Variants in DTD1 observed in about 807,000 individuals in gnomAD.
The protein encoded by DTD1 is D-tyrosyl-tRNA deacylase 1 homolog.
A neutral mutation model predicts 25.6 loss-of-function variants in DTD1; 13 were observed. That is an observed-to-expected ratio of 0.51 (90% CI 0.33 to 0.81). DTD1 has a LOEUF of 0.81. Among genes scored for constraint, DTD1 ranks in the 30% least tolerant of loss-of-function variants. The pLI is 0.02. For missense variants in DTD1, 193 were observed against 266.4 expected (o/e 0.72, Z 1.92); for synonymous variants, 110 against 103.6 (o/e 1.06, Z -0.37).
intron 4 of DTD1, among the ~76,000 whole-genome samples, chr20:18,669,465 C>T (rs1031104797): frequency 2.6e-5 from 4 of 152,208 alleles, no homozygotes; most frequent in African/African-American, 9.6e-5. Flanking sequence ...TTTCTCCTGT[C>T]ATGTGCAGGA....
chr20:18,661,435 G>C (rs1316881234), intron 4 of DTD1, among the ~76,000 whole-genome samples: 1 of 145,286 alleles, frequency 6.9e-6, no homozygotes, highest in African/African-American at 2.6e-5. Flanking sequence ...GCAGTGGTGC[G>C]ATCTCAGCTC....
chr20:18,716,781 A>G (rs1183286895), intron 4 of DTD1, among the ~76,000 whole-genome samples: 1 of 152,228 alleles, frequency 6.6e-6, no homozygotes, highest in East Asian at 1.9e-4. Flanking sequence ...ACTGTTGATC[A>G]GAGAAGCCTT....
intron 4 of DTD1, among the ~76,000 whole-genome samples, chr20:18,740,874 G>A (rs1456045786): frequency 1.3e-5 from 2 of 152,178 alleles, no homozygotes; most frequent in Non-Finnish European, 2.9e-5. Flanking sequence ...CGAAAGGAAA[G>A]AAGCCTGTTA....
At chr20:18,659,307 C>T (rs2060900637) in intron 4 of DTD1, among the ~76,000 whole-genome samples, 1 of 152,172 alleles carries the variant, frequency 6.6e-6, no homozygotes, top group Non-Finnish European at 1.5e-5. Flanking sequence ...TGTTGCTCCC[C>T]ACCATGAGTG....
intron 4 of DTD1, among the ~76,000 whole-genome samples, chr20:18,645,430 A>G (rs969160464): frequency 3.3e-5 from 5 of 152,166 alleles, no homozygotes; most frequent in Admixed American, 2.0e-4. Context: ...GTGTCTTCCT[A>G]CCAGTTCTGG....
intron 3 of DTD1, among the ~76,000 whole-genome samples, chr20:18,621,745 C>T (rs2060734963): frequency 6.6e-6 from 1 of 152,084 alleles, no homozygotes; most frequent in Admixed American, 6.6e-5. Flanking sequence ...TCCAGAACAT[C>T]TTGGCTAATA....
Position 18,744,114 on chromosome 20 carries a change from A to G in DTD1, c.492A>G (p.Glu164=). The G allele has an allele frequency of 6.2e-7, 1 of 1,609,484 alleles. No individual in the cohort carries two copies. Among genetic ancestry groups the G allele is most frequent in the Non-Finnish European group, 8.5e-7 (1 of 1,178,868 alleles). ...TSDPKQLSKL[E]KQQQRKEKTR... The stretch of plus-strand genomic sequence containing the variant: ...TATTTAATCAGCTGTCAAAGCTCGA[A>G]AAACAGCAGCAGAGGAAAGAAAAGA... The change falls in exon 5 of 6, where the codon GAA becomes GAG. Residue 164 remains glutamate (E), a synonymous_variant. Transcript: ENST00000377452.
intron 4 of DTD1, among the ~76,000 whole-genome samples, chr20:18,722,087 A>G (rs910924751): frequency 6.6e-6 from 1 of 152,026 alleles, no homozygotes; most frequent in South Asian, 2.1e-4. Flanking sequence ...GGGTGGCTGG[A>G]CTCCTCAGGC....
At chr20:18,623,161 G>C (rs1362674201) in intron 3 of DTD1, among the ~76,000 whole-genome samples, 1 of 151,726 alleles carries the variant, frequency 6.6e-6, no homozygotes, top group Non-Finnish European at 1.5e-5. Flanking sequence ...GGATGGTCTC[G>C]ATCTCCCGAC....
Position 18,723,022 on chromosome 20 carries a change from T to C in DTD1, c.478-21078T>C, listed in dbSNP as rs117040495. 7.8e-3 allele frequency among the ~76,000 whole-genome samples: 1,187 copies of C among 152,332 alleles called. 8 individuals carry two copies. The highest frequency in any genetic ancestry group is 0.012 in the Non-Finnish European group (849 of 68,036). ...AGATTCCATTATTCAGTTAATGATA[T>C]GAAGTTTTGTGTGTGTCTGGCTTGT... On this transcript the variant is annotated intron_variant, in intron 4 of 5. Coordinates refer to ENST00000377452, the MANE Select transcript of DTD1 (RefSeq NM_080820.6).
At chr20:18,645,161 A>G (rs2060845845) in intron 4 of DTD1, among the ~76,000 whole-genome samples, 1 of 152,172 alleles carries the variant, frequency 6.6e-6, no homozygotes, top group Non-Finnish European at 1.5e-5. Context: ...AAATCAACCG[A>G]TCAATGAATC....
chr20:18,729,752 G>A (rs1483009974), intron 4 of DTD1, among the ~76,000 whole-genome samples: 1 of 152,176 alleles, frequency 6.6e-6, no homozygotes, highest in Admixed American at 6.5e-5. Context: ...CCTAGGTACT[G>A]CCTCCCAGCC....
chr20:18,712,584 C>G (rs2061163717), intron 4 of DTD1, among the ~76,000 whole-genome samples: 1 of 152,066 alleles, frequency 6.6e-6, no homozygotes, highest in South Asian at 2.1e-4. Flanking sequence ...AAAACGAAAT[C>G]TTAACAATGG....
intron 4 of DTD1, among the ~76,000 whole-genome samples, chr20:18,636,029 GTC>G (rs1195116194): frequency 2.0e-5 from 3 of 152,088 alleles, no homozygotes; most frequent in Admixed American, 6.6e-5. Context: ...CTTTAAACCA[GTC>G]TCTCAGGACA....
intron 4 of DTD1, among the ~76,000 whole-genome samples, chr20:18,654,844 G>A (rs2060886143): frequency 6.6e-6 from 1 of 152,078 alleles, no homozygotes; most frequent in South Asian, 2.1e-4. Context: ...GGTAAGGGAG[G>A]CTTTGGTTTT....
At chr20:18,648,926 G>A (rs1193422465) in intron 4 of DTD1, among the ~76,000 whole-genome samples, 1 of 140,000 alleles carries the variant, frequency 7.1e-6, no homozygotes, top group Non-Finnish European at 1.5e-5. Flanking sequence ...AACCCGGGAG[G>A]CAGAGCTTGC....
At chr20:18,708,820 G>T (rs1406872992) in intron 4 of DTD1, among the ~76,000 whole-genome samples, 1 of 152,086 alleles carries the variant, frequency 6.6e-6, no homozygotes, top group Non-Finnish European at 1.5e-5. Context: ...AGGAGATACT[G>T]CCCTCCCACC....
At chr20:18,645,167 G>GAATC (rs930871884) in intron 4 of DTD1, among the ~76,000 whole-genome samples, 5 of 152,060 alleles carry the variant, frequency 3.3e-5, no homozygotes, top group Non-Finnish European at 5.9e-5. Flanking sequence ...ACCGATCAAT[G>GAATC]AATCAATCAA....
At position 18,766,347 on chromosome 20, in the gene DTD1, T is replaced by G. The variant is rs1428965359; in HGVS notation, c.*3007T>G. ...GGCACTTTAAGAATTCTTAATTTGT[T>G]GTTCGTTATTGATTCAGGTCCTTTA... is the stretch of plus-strand genomic sequence containing the variant. On this transcript the variant is annotated 3_prime_UTR_variant, in exon 6 of 6. Coordinates refer to ENST00000377452, the MANE Select transcript of DTD1 (RefSeq NM_080820.6). 3 of 152,204 alleles carry G rather than the reference T, an allele frequency of 2.0e-5. No homozygotes were observed. Among genetic ancestry groups the G allele is most frequent in the Admixed American group, 6.5e-5 (1 of 15,280 alleles). The allele number at this position is 152,204 out of a possible 1,614,324, so 9.4% of individuals were successfully genotyped here.
Sources: allele counts gnomAD v4.1 joint callset (sites outside exome capture counted in the v4.1 genomes callset), GRCh38; gene constraint gnomAD v4.1.1; transcripts MANE v1.5; gene names NCBI Gene and HGNC (gene_info 2026-07-23, HGNC 2026-07-21).